Variants in CTNND2 observed in about 807,000 individuals in gnomAD.
CTNND2 encodes the protein catenin delta-2.
CTNND2 carries 22 observed loss-of-function variants against 144.4 expected under a neutral mutation model. That is an observed-to-expected ratio of 0.15 (90% CI 0.11 to 0.22). The LOEUF (loss-of-function observed/expected upper bound fraction) is 0.22. Among genes scored for constraint, CTNND2 ranks in the 10% least tolerant of loss-of-function variants. CTNND2 has a pLI of 1.00. For missense variants in CTNND2, 1,353 were observed against 1,618.8 expected (o/e 0.84, Z 2.82); for synonymous variants, 751 against 695.6 (o/e 1.08, Z -1.25).
At chr5:11,269,695 G>C (rs1398128096) in intron 9 of CTNND2, among the ~76,000 whole-genome samples, 3 of 152,114 alleles carry the variant, frequency 2.0e-5, no homozygotes, top group African/African-American at 7.2e-5. Flanking sequence ...CACAAAAAAG[G>C]TGCCTCTCTT....
chr5:11,432,091 A>C (rs1194014599), intron 3 of CTNND2, among the ~76,000 whole-genome samples: 1 of 143,352 alleles, frequency 7.0e-6, no homozygotes, highest in Non-Finnish European at 1.5e-5. Flanking sequence ...GACTAGATGC[A>C]CTCCATACTA....
intron 7 of CTNND2, among the ~76,000 whole-genome samples, chr5:11,374,112 A>G (rs1757697300): frequency 6.6e-6 from 1 of 152,114 alleles, no homozygotes; most frequent in Non-Finnish European, 1.5e-5. Context: ...AACTCTTGCT[A>G]TAAAGAACTA....
chr5:11,341,178 G>A (rs1754240362), intron 9 of CTNND2, among the ~76,000 whole-genome samples: 1 of 152,136 alleles, frequency 6.6e-6, no homozygotes, highest in Non-Finnish European at 1.5e-5. Context: ...TGAGGTGCAG[G>A]AACTGTCTCC....
chr5:11,539,292 C>T (rs367671826), intron 3 of CTNND2, among the ~76,000 whole-genome samples: 93 of 152,262 alleles, frequency 6.1e-4, no homozygotes, highest in African/African-American at 1.9e-3. Context: ...TGACGCCTGT[C>T]ACCCAGACTG....
At chr5:11,789,872 C>T (rs137882466) in intron 1 of CTNND2, among the ~76,000 whole-genome samples, 287 of 152,214 alleles carry the variant, frequency 1.9e-3, no homozygotes, top group African/African-American at 6.4e-3. Flanking sequence ...TAAGAACTTC[C>T]TTTTATTTTA....
rs558835616 is a variant in CTNND2 at position 11,637,527 on chromosome 5, T to C, written c.175-72471A>G. Among the ~76,000 whole-genome samples the C allele has an allele frequency of 3.9e-5, 6 of 152,314 alleles. No individual in the cohort carries two copies. The South Asian group carries it at 1.2e-3, about 32-fold the overall frequency. On this transcript the variant is annotated intron_variant, in intron 2 of 21. Transcript: ENST00000304623. The stretch of plus-strand genomic sequence containing the variant: ...TTTTTTAAATTGCTTATCTATTTAT[T>C]ACAATCTTAGTACAGAATTCCACCT...
At chr5:11,885,478 G>A (rs1291002126) in intron 1 of CTNND2, among the ~76,000 whole-genome samples, 1 of 152,032 alleles carries the variant, frequency 6.6e-6, no homozygotes, top group Non-Finnish European at 1.5e-5. Flanking sequence ...TGATCTTTGG[G>A]TCCATTCAGC....
intron 7 of CTNND2, among the ~76,000 whole-genome samples, chr5:11,376,156 C>A (rs1305646453): frequency 6.6e-6 from 1 of 152,114 alleles, no homozygotes; most frequent in Non-Finnish European, 1.5e-5. Context: ...GCCTCCAGAA[C>A]TAGGAGAAAT....
At chr5:11,241,167 CACAG>C (rs200647872) in intron 9 of CTNND2, among the ~76,000 whole-genome samples, 1,586 of 152,276 alleles carry the variant, frequency 0.01, 22 homozygotes, top group African/African-American at 0.036. Flanking sequence ...ACCCAACACA[CACAG>C]ACACACACAG....
chr5:11,290,716 A>G (rs1748242699), intron 9 of CTNND2, among the ~76,000 whole-genome samples: 1 of 152,190 alleles, frequency 6.6e-6, no homozygotes, highest in Non-Finnish European at 1.5e-5. Flanking sequence ...TGATCTCTGA[A>G]GTCAACTTGG....
chr5:11,467,509 A>C (rs932975571), intron 3 of CTNND2, among the ~76,000 whole-genome samples: 28 of 152,316 alleles, frequency 1.8e-4, no homozygotes, highest in African/African-American at 6.3e-4. Context: ...CAGAATATTC[A>C]ATGAGTGTCA....
chr5:11,439,564 A>C (rs545051494), intron 3 of CTNND2, among the ~76,000 whole-genome samples: 1 of 152,150 alleles, frequency 6.6e-6, no homozygotes, highest in Non-Finnish European at 1.5e-5. Context: ...CAAGGGTCTC[A>C]CTCTGTTGCT....
intron 3 of CTNND2, among the ~76,000 whole-genome samples, chr5:11,542,824 C>T (rs1467799474): frequency 2.0e-5 from 3 of 152,192 alleles, no homozygotes; most frequent in Admixed American, 2.0e-4. Context: ...TACGTGGGTC[C>T]CCCAAAACCC....
rs781226151 is a variant in CTNND2, at chr5:11,356,689, A to T, written c.1372+8007T>A. ...ATGCACAGGTAGCAAAACCAAAAAT[A>T]GACGAATTAATACTAATATTAATAG... On this transcript the variant is annotated intron_variant, in intron 8 of 21. Transcript: ENST00000304623. 4.6e-5 allele frequency among the ~76,000 whole-genome samples: 7 copies of T among 152,150 alleles called. 1 individual carries two copies. In the South Asian group the frequency reaches 8.3e-4, roughly 18 times the overall value.
chr5:10,976,230 G>A (rs898195519), intron 21 of CTNND2, among the ~76,000 whole-genome samples: 1 of 152,160 alleles, frequency 6.6e-6, no homozygotes, highest in African/African-American at 2.4e-5. Context: ...CTTGTGGTAT[G>A]GACGTTTGCT....
At chr5:11,406,010 G>T in intron 5 of CTNND2, among the ~76,000 whole-genome samples, 1 of 152,032 alleles carries the variant, frequency 6.6e-6, no homozygotes, top group Admixed American at 6.5e-5. Context: ...TTAGCCAGGC[G>T]TAGTGGGGCA....
chr5:11,034,843 G>C (rs1316409035), intron 16 of CTNND2, among the ~76,000 whole-genome samples: 6 of 151,584 alleles, frequency 4.0e-5, no homozygotes, highest in Non-Finnish European at 8.8e-5. Context: ...ACTACTAGTG[G>C]TCTGTTGATC....
rs147913824 is a variant in CTNND2, at chr5:11,748,939, C to T, written c.38-16667G>A. Among the ~76,000 whole-genome samples the T allele has an allele frequency of 1.8e-3, 280 of 152,136 alleles. 2 individuals are homozygous for T. Among genetic ancestry groups the T allele is most frequent in the African/African-American group, 6.2e-3 (259 of 41,524 alleles). On this transcript the variant is annotated intron_variant, in intron 1 of 21. Coordinates refer to ENST00000304623, the MANE Select transcript of CTNND2 (RefSeq NM_001332.4). ...ATCCTGAGACAAGTTATGAAAGACA[C>T]TCAGACTTCCCTATTGATCTCTCTT...
chr5:11,559,918 C>T (rs1201700849), intron 3 of CTNND2, among the ~76,000 whole-genome samples: 2 of 152,212 alleles, frequency 1.3e-5, no homozygotes, highest in African/African-American at 4.8e-5. Flanking sequence ...GCTGCAGAGG[C>T]CATCTGCAGG....
Sources: gnomAD v4.1 joint callset for allele counts (sites outside exome capture counted in the v4.1 genomes callset) on GRCh38, gnomAD v4.1.1 for gene constraint, MANE v1.5 for transcripts, NCBI Gene and HGNC (gene_info 2026-07-23, HGNC 2026-07-21) for gene names.